The following NPSR1 variants were observed in gnomAD, a reference collection of about 807,000 sequenced individuals.
The protein encoded by NPSR1 is neuropeptide S receptor 1.
A neutral mutation model predicts 46.9 loss-of-function variants in NPSR1; 48 were observed. That is an observed-to-expected ratio of 1.02 (90% CI 0.81 to 1.30). The LOEUF is 1.30. NPSR1 is among the 50% of genes most tolerant of loss of function. The pLI is 0.00. For synonymous variants in NPSR1, 176 were observed against 168.1 expected (o/e 1.05, Z -0.36); for missense variants, 450 against 449.5 (o/e 1.00, Z -0.01).
chr7:34,833,937 A>C, intron 5 of NPSR1, among the ~76,000 whole-genome samples: 1 of 152,224 alleles, frequency 6.6e-6, no homozygotes, highest in East Asian at 1.9e-4. Flanking sequence ...ATTAGAGGCA[A>C]GTCACCTGCT....
At chr7:34,695,636 G>A (rs1005722490) in intron 2 of NPSR1, among the ~76,000 whole-genome samples, 4 of 151,880 alleles carry the variant, frequency 2.6e-5, no homozygotes, top group African/African-American at 4.8e-5. Flanking sequence ...TTAAAAACTG[G>A]GCAAAAGACA....
intron 2 of NPSR1, among the ~76,000 whole-genome samples, chr7:34,693,550 A>G (rs1194223901): frequency 6.6e-6 from 1 of 152,238 alleles, no homozygotes; most frequent in Non-Finnish European, 1.5e-5. Flanking sequence ...TCACAGCTGA[A>G]TTTTATCAGA....
chr7:34,749,650 G>C (rs993667946), intron 2 of NPSR1, among the ~76,000 whole-genome samples: 11 of 152,206 alleles, frequency 7.2e-5, no homozygotes, highest in African/African-American at 2.7e-4. Flanking sequence ...CCCAAGAGGG[G>C]GTTGTTGAGT....
chr7:34,833,198 G>T (rs371765728), intron 5 of NPSR1, among the ~76,000 whole-genome samples: 1 of 152,102 alleles, frequency 6.6e-6, no homozygotes, highest in African/African-American at 2.4e-5. Flanking sequence ...TTCTCAAGAG[G>T]GAAGATACAC....
intron 2 of NPSR1, among the ~76,000 whole-genome samples, chr7:34,712,383 C>T (rs982755277): frequency 6.6e-6 from 1 of 152,100 alleles, no homozygotes; most frequent in Non-Finnish European, 1.5e-5. Context: ...ACACTGTAGC[C>T]AAAGTTATTT....
chr7:34,836,156 C>A (rs1790359468), intron 6 of NPSR1, among the ~76,000 whole-genome samples: 1 of 152,122 alleles, frequency 6.6e-6, no homozygotes, highest in Admixed American at 6.5e-5. Flanking sequence ...TCCACTGGTG[C>A]AGTCTCCACA....
At chr7:34,868,791 G>A (rs1791383179) in intron 8 of NPSR1, among the ~76,000 whole-genome samples, 1 of 151,628 alleles carries the variant, frequency 6.6e-6, no homozygotes, top group South Asian at 2.1e-4. Flanking sequence ...AGGGTCACTA[G>A]AAGTCTGTGA....
At chr7:34,776,116 T>G (rs1786945058) in intron 2 of NPSR1, among the ~76,000 whole-genome samples, 1 of 152,212 alleles carries the variant, frequency 6.6e-6, no homozygotes, top group African/African-American at 2.4e-5. Flanking sequence ...TTATTTTATT[T>G]TGTTTTAATG....
At chr7:34,783,385 C>G (rs1044807858) in intron 3 of NPSR1, among the ~76,000 whole-genome samples, 2 of 152,008 alleles carry the variant, frequency 1.3e-5, no homozygotes, top group African/African-American at 4.8e-5. Context: ...ACCATCAGAT[C>G]TCATGAGAAC....
chr7:34,820,703 G>A (rs901995223), intron 4 of NPSR1, among the ~76,000 whole-genome samples: 13 of 152,216 alleles, frequency 8.5e-5, no homozygotes, highest in Admixed American at 1.3e-4. Flanking sequence ...GGGTTGGTCC[G>A]AAATGGCAGG....
At chr7:34,798,926 A>G (rs889581376) in intron 3 of NPSR1, among the ~76,000 whole-genome samples, 1 of 152,188 alleles carries the variant, frequency 6.6e-6, no homozygotes, top group East Asian at 1.9e-4. Context: ...TGAAAATGTA[A>G]CATCATAGTT....
intron 6 of NPSR1, among the ~76,000 whole-genome samples, chr7:34,837,379 C>T (rs944298164): frequency 6.6e-6 from 1 of 152,206 alleles, no homozygotes; most frequent in African/African-American, 2.4e-5. Context: ...TCAAAGCCAT[C>T]GTCCACTCAT....
chr7:34,734,583 C>T (rs952111835), intron 2 of NPSR1, among the ~76,000 whole-genome samples: 8 of 152,180 alleles, frequency 5.3e-5, no homozygotes, highest in Non-Finnish European at 1.2e-4. Context: ...AGGAAAACCT[C>T]TATTACTCCA....
chr7:34,802,462 G>A lies in NPSR1; in HGVS notation c.385-9308G>A, dbSNP rs970620113. Among the ~76,000 whole-genome samples the A allele has an allele frequency of 4.0e-5, 6 of 150,228 alleles. No homozygotes were observed. In the South Asian group the frequency reaches 6.2e-4, roughly 16 times the overall value. ...ACAAACCTGAGAAAAACAAGCAATG[G>A]GGAAAGGATTCCCTATTTAATAAAC... is the stretch of plus-strand genomic sequence containing the variant. On this transcript the variant is annotated intron_variant, in intron 3 of 8. Coordinates refer to ENST00000360581, the MANE Select transcript of NPSR1 (RefSeq NM_207172.2).
At chr7:34,746,036 C>A (rs977128525) in intron 2 of NPSR1, among the ~76,000 whole-genome samples, 9 of 152,190 alleles carry the variant, frequency 5.9e-5, no homozygotes, top group African/African-American at 1.7e-4. Flanking sequence ...TAGTGACCCT[C>A]AGAGGTCCTC....
At chr7:34,745,030 AT>A (rs1188153805) in intron 2 of NPSR1, among the ~76,000 whole-genome samples, 1 of 152,252 alleles carries the variant, frequency 6.6e-6, no homozygotes, top group Non-Finnish European at 1.5e-5. Flanking sequence ...TGGTTAATAT[AT>A]GCAAACACAG....
intron 8 of NPSR1, among the ~76,000 whole-genome samples, chr7:34,860,541 T>C (rs1352312248): frequency 6.6e-6 from 1 of 151,926 alleles, no homozygotes; most frequent in Non-Finnish European, 1.5e-5. Context: ...CAAATCTTTT[T>C]AAGTTTGACT....
intron 2 of NPSR1, among the ~76,000 whole-genome samples, chr7:34,749,794 T>A (rs1785416320): frequency 1.3e-5 from 2 of 152,222 alleles, no homozygotes; most frequent in African/African-American, 4.8e-5. Flanking sequence ...ATGAGAAATT[T>A]CCATTCTAAG....
intron 2 of NPSR1, among the ~76,000 whole-genome samples, chr7:34,761,462 T>C (rs1272525404): frequency 6.6e-6 from 1 of 152,220 alleles, no homozygotes; most frequent in African/African-American, 2.4e-5. Context: ...AAGGTCTTTC[T>C]TGAAGGGGGA....
Sources: gnomAD v4.1 joint callset for allele counts (sites outside exome capture counted in the v4.1 genomes callset) on GRCh38, gnomAD v4.1.1 for gene constraint, MANE v1.5 for transcripts, NCBI Gene and HGNC (gene_info 2026-07-23, HGNC 2026-07-21) for gene names.